ZNF385D: variants seen among roughly 807,000 people sequenced by gnomAD.
ZNF385D encodes zinc finger protein 659.
A neutral mutation model predicts 35.8 loss-of-function variants in ZNF385D; 15 were observed. That is an observed-to-expected ratio of 0.42 (90% CI 0.28 to 0.64). ZNF385D has a LOEUF of 0.64. Among genes scored for constraint, ZNF385D ranks in the 30% least tolerant of loss-of-function variants. ZNF385D has a pLI of 0.23. For synonymous variants in ZNF385D, 212 were observed against 186.8 expected (o/e 1.13, Z -1.10); for missense variants, 474 against 494.6 (o/e 0.96, Z 0.39).
At chr3:21,687,190 T>C (rs1262777642) in intron 1 of ZNF385D, among the ~76,000 whole-genome samples, 1 of 152,116 alleles carries the variant, frequency 6.6e-6, no homozygotes, top group Non-Finnish European at 1.5e-5. Flanking sequence ...TCCAGAAACA[T>C]GCGTGGGGTC....
At chr3:22,177,310 T>C (rs1246929278) in intron 2 of ZNF385D, among the ~76,000 whole-genome samples, 1 of 152,182 alleles carries the variant, frequency 6.6e-6, no homozygotes, top group Non-Finnish European at 1.5e-5. Context: ...ACAGCTTACA[T>C]AAAACTTAAG....
chr3:22,235,870 A>G (rs1699151164), intron 2 of ZNF385D, among the ~76,000 whole-genome samples: 1 of 152,158 alleles, frequency 6.6e-6, no homozygotes, highest in South Asian at 2.1e-4. Context: ...AAGTGCCCAG[A>G]TTCATGTTCG....
At chr3:21,719,879 T>C (rs1046168512) in intron 1 of ZNF385D, among the ~76,000 whole-genome samples, 8 of 152,222 alleles carry the variant, frequency 5.3e-5, no homozygotes, top group African/African-American at 1.9e-4. Flanking sequence ...AGAACCCAGA[T>C]AGTACATCAG....
intron 5 of ZNF385D, among the ~76,000 whole-genome samples, chr3:21,426,171 A>C (rs341844): frequency 6.6e-6 from 1 of 152,022 alleles, no homozygotes; most frequent in South Asian, 2.1e-4. Context: ...TTCTAAACAG[A>C]ATACAAACAA....
chr3:21,874,104 T>C (rs1168613585), intron 3 of ZNF385D, among the ~76,000 whole-genome samples: 1 of 152,060 alleles, frequency 6.6e-6, no homozygotes, highest in Non-Finnish European at 1.5e-5. Flanking sequence ...TTATACATTC[T>C]CACCAACAGC....
chr3:22,111,841 A>G (rs1339536404), intron 3 of ZNF385D, among the ~76,000 whole-genome samples: 1 of 152,168 alleles, frequency 6.6e-6, no homozygotes, highest in African/African-American at 2.4e-5. Context: ...TATTGGTTTT[A>G]TAAAGCACAG....
chr3:22,261,367 G>A (rs1700622901), intron 2 of ZNF385D, among the ~76,000 whole-genome samples: 1 of 152,052 alleles, frequency 6.6e-6, no homozygotes, highest in East Asian at 1.9e-4. Flanking sequence ...AATGCATTGT[G>A]TGGCATTAGG....
At chr3:21,650,782 G>A (rs1450727359) in intron 2 of ZNF385D, among the ~76,000 whole-genome samples, 2 of 152,010 alleles carry the variant, frequency 1.3e-5, no homozygotes, top group Non-Finnish European at 2.9e-5. Context: ...TCATCATTTT[G>A]GACTAACAGT....
At chr3:21,636,181 T>G (rs2065426216) in intron 2 of ZNF385D, among the ~76,000 whole-genome samples, 1 of 151,646 alleles carries the variant, frequency 6.6e-6, no homozygotes, top group Non-Finnish European at 1.5e-5. Flanking sequence ...ACCAGCAGCG[T>G]AGAAGTGTTC....
chr3:22,020,774 G>A (rs1697176360), intron 3 of ZNF385D, among the ~76,000 whole-genome samples: 1 of 151,638 alleles, frequency 6.6e-6, no homozygotes, highest in South Asian at 2.1e-4. Context: ...CCCACTACTG[G>A]GTATCTACTG....
intron 2 of ZNF385D, among the ~76,000 whole-genome samples, chr3:22,247,615 T>TTTTTA (rs1553636075): frequency 6.7e-6 from 1 of 148,204 alleles, no homozygotes; most frequent in African/African-American, 2.5e-5. Flanking sequence ...CATTTTACAA[T>TTTTTA]TTTATTTATT....
At chr3:21,660,509 C>T (rs1039256678) in intron 2 of ZNF385D, among the ~76,000 whole-genome samples, 2 of 152,124 alleles carry the variant, frequency 1.3e-5, no homozygotes, top group Admixed American at 1.3e-4. Context: ...AACACATTCT[C>T]CAAAAGTAGT....
intron 1 of ZNF385D, among the ~76,000 whole-genome samples, chr3:21,689,532 A>T (rs1012147936): frequency 1.3e-5 from 2 of 152,060 alleles, no homozygotes; most frequent in African/African-American, 2.4e-5. Context: ...ACTCAACTAC[A>T]CATTAGTAAT....
chr3:21,695,130 T>C (rs2067426447), intron 1 of ZNF385D, among the ~76,000 whole-genome samples: 3 of 152,160 alleles, frequency 2.0e-5, no homozygotes. Flanking sequence ...ATATTTGCCA[T>C]CATCATTGTA....
chr3:22,186,794 T>C (rs899403022), intron 2 of ZNF385D, among the ~76,000 whole-genome samples: 11 of 152,144 alleles, frequency 7.2e-5, no homozygotes, highest in Admixed American at 1.3e-4. Flanking sequence ...CTGGCACCAA[T>C]ACCGTATTTG....
At chr3:21,805,514 G>A (rs1489960017) in intron 3 of ZNF385D, among the ~76,000 whole-genome samples, 1 of 152,160 alleles carries the variant, frequency 6.6e-6, no homozygotes, top group East Asian at 1.9e-4. Flanking sequence ...TGTGATTTAG[G>A]AGAAAGAACA....
chr3:21,918,270 A>G (rs1575912336), intron 3 of ZNF385D, among the ~76,000 whole-genome samples: 2 of 152,308 alleles, frequency 1.3e-5, no homozygotes, highest in Middle Eastern at 3.4e-3. Flanking sequence ...TTCCTAATTA[A>G]GTGTGTAAAC....
chr3:21,594,539 C>T (rs887445974), intron 2 of ZNF385D, among the ~76,000 whole-genome samples: 6 of 152,018 alleles, frequency 3.9e-5, no homozygotes, highest in African/African-American at 9.7e-5. Flanking sequence ...CATCAAAGCC[C>T]GGAAAGGTGC....
In ZNF385D at chr3:22,007,528, T is replaced by C. The variant is rs1696287198; in HGVS notation, c.325+161289A>G. ...CTATAAATGGCATTCATTGCTGGCT[T>C]CATGGGAAATGGTTATGTAATTTTG... On this transcript the variant is annotated intron_variant, in intron 3 of 5. Coordinates refer to the ZNF385D transcript ENST00000494108. Among the ~76,000 whole-genome samples the C allele has an allele frequency of 2.0e-5, 3 of 152,356 alleles. No homozygotes were observed. The South Asian group carries it at 6.2e-4, about 32-fold the overall frequency.
Sources: allele counts gnomAD v4.1 joint callset (sites outside exome capture counted in the v4.1 genomes callset), GRCh38; gene constraint gnomAD v4.1.1; transcripts MANE v1.5; gene names NCBI Gene and HGNC (gene_info 2026-07-23, HGNC 2026-07-21).